Variants in LRRC8B observed in about 807,000 individuals in gnomAD.
LRRC8B encodes the protein volume-regulated anion channel subunit LRRC8B.
A neutral mutation model predicts 58.8 loss-of-function variants in LRRC8B; 23 were observed. The ratio of observed to expected loss-of-function variants is 0.39; its 90% CI spans 0.28 to 0.55. LRRC8B has a LOEUF of 0.55. LRRC8B is among the 20% of genes least tolerant of loss of function. The probability of loss-of-function intolerance (pLI) is 0.62; values close to 1 mark genes in which losing one functional copy is unlikely to be tolerated. For synonymous variants in LRRC8B, 359 were observed against 374.1 expected (o/e 0.96, Z 0.47); for missense variants, 694 against 936.0 (o/e 0.74, Z 3.37).
rs187911561 is a variant in LRRC8B, at chr1:89,588,642, G to A, written c.2139+3853G>A. 1.1e-4 allele frequency among the ~76,000 whole-genome samples: 16 copies of A among 152,348 alleles called. 2 individuals carry two copies. In the East Asian group the frequency reaches 2.9e-3, roughly 28 times the overall value. On this transcript the variant is annotated intron_variant, in intron 5 of 5. Coordinates refer to ENST00000330947, the MANE Select transcript of LRRC8B (RefSeq NM_001369817.2). ...TAGGGTGAGACTTGAGCTTGAAAGT[G>A]CTAGTTAGCCTGAACTGGTACCTTC...
At chr1:89,528,884 C>T (rs1649896252) in intron 1 of LRRC8B, among the ~76,000 whole-genome samples, 1 of 152,194 alleles carries the variant, frequency 6.6e-6, no homozygotes, top group African/African-American at 2.4e-5. Context: ...TTCCTGGATG[C>T]TGTCATATAC....
chr1:89,566,428 A>G (rs2169065), intron 1 of LRRC8B, among the ~76,000 whole-genome samples: 61,544 of 152,044 alleles, frequency 0.4, 13,708 homozygotes, highest in South Asian at 0.55. Flanking sequence ...TTAATTTTAC[A>G]TAGTAAAGCC....
chr1:89,575,132 G>C (rs565791137), intron 3 of LRRC8B, among the ~76,000 whole-genome samples: 1 of 152,242 alleles, frequency 6.6e-6, no homozygotes, highest in African/African-American at 2.4e-5. Context: ...AATCATTTCT[G>C]GCCAGAGAGT....
intron 1 of LRRC8B, among the ~76,000 whole-genome samples, chr1:89,528,232 G>A (rs1470754944): frequency 6.6e-6 from 1 of 152,180 alleles, no homozygotes; most frequent in Non-Finnish European, 1.5e-5. Flanking sequence ...GACGCTGCCA[G>A]CTGCACAGCT....
Position 89,524,924 on chromosome 1 carries a change from A to T in LRRC8B, c.-339A>T, listed in dbSNP as rs1034470759. Reference sequence around the variant, plus strand: ...TCCCGCTGAGCCCGCAGCCTCCGGCAGCCGGGAAAGTGCGGGCGCGGGGCC... The same window carrying T: ...TCCCGCTGAGCCCGCAGCCTCCGGCTGCCGGGAAAGTGCGGGCGCGGGGCC... On this transcript the variant is annotated 5_prime_UTR_variant, in exon 1 of 6. Transcript: ENST00000330947. 6.6e-6 allele frequency: 1 copy of T among 152,294 alleles called. No homozygotes were observed. Among genetic ancestry groups the T allele is most frequent in the South Asian group, 2.1e-4 (1 of 4,834 alleles). The allele number at this position is 152,294 out of a possible 1,614,324, so 9.4% of individuals were successfully genotyped here. A position where few individuals can be genotyped will look rare whatever the true frequency, so the allele number is the denominator to read the frequency against.
At chr1:89,550,606 G>A (rs17491902) in intron 1 of LRRC8B, among the ~76,000 whole-genome samples, 31,341 of 152,132 alleles carry the variant, frequency 0.21, 3,641 homozygotes, top group South Asian at 0.33. Context: ...GCTTTGATAT[G>A]AAAGGGCAAA....
At chr1:89,555,318 A>T (rs953576968) in intron 1 of LRRC8B, among the ~76,000 whole-genome samples, 4 of 152,188 alleles carry the variant, frequency 2.6e-5, no homozygotes, top group African/African-American at 9.7e-5. Context: ...TGGGGCTCAA[A>T]TGGAGTCTTT....
At position 89,554,647 on chromosome 1, in the gene LRRC8B, G is replaced by A. The variant is rs528715338; in HGVS notation, c.-240-13600G>A. Among the ~76,000 whole-genome samples, 8 of 152,240 alleles carry A rather than the reference G, an allele frequency of 5.3e-5. No individual in the cohort carries two copies. In the East Asian group the frequency reaches 1.4e-3, roughly 26 times the overall value. ...CTTGCTGTTGGTGACACAAGTTGGTGTTACATAAGGCCTTCTTCATTTCTA... is the reference window on the plus strand; with the variant it reads ...CTTGCTGTTGGTGACACAAGTTGGTATTACATAAGGCCTTCTTCATTTCTA... On this transcript the variant is annotated intron_variant, in intron 1 of 5. Transcript: ENST00000330947.
At position 89,583,584 on chromosome 1, in the gene LRRC8B, T is replaced by G. The variant is rs1267065104; in HGVS notation, c.934T>G (p.Phe312Val). 1 of 1,611,356 alleles carries G rather than the reference T, an allele frequency of 6.2e-7. No individual in the cohort carries two copies. Residue 312 changes from phenylalanine to valine, a missense_variant, in exon 5 of 6, where the codon TTT becomes GTT. Transcript: ENST00000330947. This position sits in a 1 kb window ranked among gnomAD's most constrained non-coding sequence, Gnocchi z 5.2. The part of the protein sequence containing the change: ...YQCVYSLAEI[F>V]KVLASFYVIL... Reference sequence around the variant, plus strand: ...GTGTGTCTATTCCTTGGCAGAAATCTTTAAGGTCCTGGCTTCATTTTATGT... The same window carrying G: ...GTGTGTCTATTCCTTGGCAGAAATCGTTAAGGTCCTGGCTTCATTTTATGT...
chr1:89,586,287 GA>G (rs1347132674), intron 5 of LRRC8B, among the ~76,000 whole-genome samples: 10 of 152,280 alleles, frequency 6.6e-5, no homozygotes, highest in African/African-American at 2.4e-4. Context: ...ACTGCACTCT[GA>G]AAAATCACAA....
In LRRC8B at chr1:89,597,469, T is replaced by C. The variant is rs916032027; in HGVS notation, c.*4426T>C. ...TATAGAGTTAGAATGGATGTGTTCGTGCATATATATGTTGTATTTAAATAT... is the reference window on the plus strand; with the variant it reads ...TATAGAGTTAGAATGGATGTGTTCGCGCATATATATGTTGTATTTAAATAT... On this transcript the variant is annotated 3_prime_UTR_variant, in exon 6 of 6. Transcript: ENST00000330947. The C allele has an allele frequency of 3.9e-5, 6 of 152,200 alleles. No individual in the cohort carries two copies. Among genetic ancestry groups the C allele is most frequent in the Non-Finnish European group, 7.3e-5 (5 of 68,034 alleles). The allele number at this position is 152,200 out of a possible 1,614,324, so 9.4% of individuals were successfully genotyped here.
At position 89,524,899 on chromosome 1, in the gene LRRC8B, TC is replaced by T. The variant is rs1412988458; in HGVS notation, c.-361del. On this transcript the variant is annotated 5_prime_UTR_variant, in exon 1 of 6. An upstream open reading frame in the 5' UTR loses its in-frame stop. Coordinates refer to ENST00000330947, the MANE Select transcript of LRRC8B (RefSeq NM_001369817.2). Reference sequence around the variant, plus strand: ...CGGCGAGCCGGACAGCGCCGGGGCTTCCCGCTGAGCCCGCAGCCTCCGGCAG... The same window carrying T: ...CGGCGAGCCGGACAGCGCCGGGGCTTCCGCTGAGCCCGCAGCCTCCGGCAG... The T allele has an allele frequency of 6.6e-6, 1 of 152,214 alleles. No homozygotes were observed. The highest frequency in any genetic ancestry group is 1.5e-5 in the Non-Finnish European group (1 of 68,100). The allele number at this position is 152,214 out of a possible 1,614,324, so 9.4% of individuals were successfully genotyped here.
intron 1 of LRRC8B, among the ~76,000 whole-genome samples, chr1:89,562,656 A>G (rs887008120): frequency 6.6e-6 from 1 of 152,092 alleles, no homozygotes; most frequent in Non-Finnish European, 1.5e-5. Context: ...TTTGTTGTAG[A>G]GACATGATCT....
At position 89,595,516 on chromosome 1, in the gene LRRC8B, A is replaced by G. The variant is rs1655238953; in HGVS notation, c.*2473A>G. On this transcript the variant is annotated 3_prime_UTR_variant, in exon 6 of 6. Transcript: ENST00000330947. ...GGTTCAACTGCAGAAGTCATTGGCT[A>G]AATTTTCCTTATCACCTACGTAAAT... 6.6e-6 allele frequency: 1 copy of G among 152,164 alleles called. No individual in the cohort carries two copies. The highest frequency in any genetic ancestry group is 2.4e-5 in the African/African-American group (1 of 41,456). The allele number at this position is 152,164 out of a possible 1,614,324, so 9.4% of individuals were successfully genotyped here. A position where few individuals can be genotyped will look rare whatever the true frequency, so the allele number is the denominator to read the frequency against.
chr1:89,573,474 G>A (rs12733491), intron 3 of LRRC8B, among the ~76,000 whole-genome samples: 57,118 of 151,762 alleles, frequency 0.38, 12,970 homozygotes, highest in South Asian at 0.55. Flanking sequence ...TGACTAGGGT[G>A]ATTTTCCTAA....
At chr1:89,525,526 G>A (rs1474688953) in intron 1 of LRRC8B, among the ~76,000 whole-genome samples, 1 of 152,240 alleles carries the variant, frequency 6.6e-6, no homozygotes, top group Non-Finnish European at 1.5e-5. Context: ...ATTTTATGCT[G>A]TTGGATACGC....
At chr1:89,589,710 A>C (rs977158395) in intron 5 of LRRC8B, among the ~76,000 whole-genome samples, 1 of 151,834 alleles carries the variant, frequency 6.6e-6, no homozygotes, top group African/African-American at 2.4e-5. Context: ...TGTTTCTTGA[A>C]ATGATTGGAC....
chr1:89,560,122 A>G (rs1004468947), intron 1 of LRRC8B, among the ~76,000 whole-genome samples: 1 of 152,232 alleles, frequency 6.6e-6, no homozygotes, highest in Admixed American at 6.5e-5. Flanking sequence ...CAAGGCCAAC[A>G]TTATGCCGTC....
chr1:89,593,005 G>C lies in LRRC8B; in HGVS notation c.2374G>C (p.Val792Leu), dbSNP rs1655089194. ...ENLLNTLPLPVTERLQTCLDK... is the reference protein window; with the variant it reads ...ENLLNTLPLPLTERLQTCLDK... ...CTTGCTCAATACTCTTCCTCTCCCTGTAACAGAACGTTTACAGACGTGCTT... is the reference window on the plus strand; with the variant it reads ...CTTGCTCAATACTCTTCCTCTCCCTCTAACAGAACGTTTACAGACGTGCTT... Residue 792 changes from valine to leucine, a missense_variant, in exon 6 of 6, where the codon GTA (valine) becomes CTA (leucine). Val to Leu is a conservative substitution (Grantham distance 32). Around this residue, in one of 5 missense-constraint regions of LRRC8B, gnomAD observed 139 missense variants for 158.2 expected, o/e 0.88. Transcript: ENST00000330947. The C allele has an allele frequency of 6.2e-7, 1 of 1,614,142 alleles. No individual in the cohort carries two copies. The highest frequency in any genetic ancestry group is 2.2e-5 in the East Asian group (1 of 44,886).
Sources: allele counts gnomAD v4.1 joint callset (sites outside exome capture counted in the v4.1 genomes callset), GRCh38; gene constraint gnomAD v4.1.1; regional missense constraint gnomAD v4.1.1; non-coding constraint Gnocchi (gnomAD v3.1); transcripts MANE v1.5; gene names NCBI Gene and HGNC (gene_info 2026-07-23, HGNC 2026-07-21).